NMU: variants seen among roughly 807,000 people sequenced by gnomAD.
NMU encodes neuromedin U.
NMU carries 29 observed loss-of-function variants against 35.4 expected under a neutral mutation model. That is an observed-to-expected ratio of 0.82 (90% CI 0.61 to 1.12). The LOEUF (loss-of-function observed/expected upper bound fraction) is 1.12, where lower values mean the gene tolerates loss of function less well. Among genes scored for constraint, NMU ranks in the 50% most tolerant of loss-of-function variants. NMU has a pLI of 0.00. For missense variants in NMU, 199 were observed against 206.2 expected, an observed-to-expected ratio of 0.97 and a Z score of 0.21; for synonymous variants, 78 against 81.3, an observed-to-expected ratio of 0.96 and a Z score of 0.22.
chr4:55,627,060 T>G (rs1468128969), intron 2 of NMU, among the ~76,000 whole-genome samples: 1 of 152,240 alleles, frequency 6.6e-6, no homozygotes. Context: ...CAGGCACTTC[T>G]GGCTGGCGCA....
chr4:55,612,434 T>A (rs984250498), intron 3 of NMU, among the ~76,000 whole-genome samples: 3 of 152,128 alleles, frequency 2.0e-5, no homozygotes, highest in Non-Finnish European at 4.4e-5. Flanking sequence ...CTTATGCTCA[T>A]TTCAAAATAG....
At chr4:55,598,243 C>T (rs1364915365) in intron 9 of NMU, among the ~76,000 whole-genome samples, 5 of 151,960 alleles carry the variant, frequency 3.3e-5, no homozygotes, top group African/African-American at 1.2e-4. Flanking sequence ...AGGCATGCAC[C>T]ACCACATCTG....
intron 9 of NMU, among the ~76,000 whole-genome samples, chr4:55,597,719 C>T (rs911258584): frequency 2.0e-5 from 3 of 152,080 alleles, no homozygotes; most frequent in Non-Finnish European, 4.4e-5. Context: ...ACCTATTAGT[C>T]TGTTTAGTGT....
At chr4:55,596,362 GT>G (rs34453144) in intron 9 of NMU, among the ~76,000 whole-genome samples, 5,828 of 140,238 alleles carry the variant, frequency 0.042, 357 homozygotes, top group African/African-American at 0.14. Context: ...AATTTTGGAG[GT>G]TTTTTTTTTT....
At chr4:55,597,696 A>G (rs766831771) in intron 9 of NMU, among the ~76,000 whole-genome samples, 25 of 152,144 alleles carry the variant, frequency 1.6e-4, no homozygotes, top group Admixed American at 9.2e-4. Flanking sequence ...ACATATTCCA[A>G]TTTTTTCCCC....
At position 55,605,270 on chromosome 4, in the gene NMU, C is replaced by T; in HGVS notation, c.435+5G>A. 1.9e-6 allele frequency: 3 copies of T among 1,603,382 alleles called. No homozygotes were observed. The highest frequency in any genetic ancestry group is 2.6e-6 in the Non-Finnish European group (3 of 1,170,124). On this transcript the variant is annotated splice_donor_5th_base_variant and intron_variant, in intron 7 of 9. Transcript: ENST00000264218. The stretch of plus-strand genomic sequence containing the variant: ...CAAAGCCAGCATGCAGTTTGTATTA[C>T]ATACGTCCACTCTGAATCTCTTCAT...
chr4:55,616,748 A>C (rs1169987883), intron 2 of NMU, among the ~76,000 whole-genome samples: 1 of 152,228 alleles, frequency 6.6e-6, no homozygotes, highest in Non-Finnish European at 1.5e-5. Context: ...ACCTTTGGTT[A>C]TCATATGGTT....
intron 3 of NMU, among the ~76,000 whole-genome samples, chr4:55,614,683 T>A (rs541359798): frequency 6.6e-6 from 1 of 152,356 alleles, no homozygotes; most frequent in Non-Finnish European, 1.5e-5. Flanking sequence ...AGAGGCACAG[T>A]ACTGAAATCC....
At chr4:55,616,982 G>A (rs1232356096) in intron 2 of NMU, among the ~76,000 whole-genome samples, 3 of 152,096 alleles carry the variant, frequency 2.0e-5, no homozygotes, top group Non-Finnish European at 2.9e-5. Context: ...GACTTTAAAC[G>A]GTAGAATGAG....
At chr4:55,600,607 C>T (rs774394052) in intron 7 of NMU, 32 bp from the exon 8 acceptor site, 3 of 1,502,404 alleles carry the variant, frequency 2.0e-6, no homozygotes, top group South Asian at 1.1e-5. Flanking sequence ...TTACAAATCA[C>T]ATAACACTAA....
intron 6 of NMU, 33 bp downstream of exon 6, chr4:55,607,265 T>TCTACTA (rs774535731): frequency 1.4e-6 from 2 of 1,468,694 alleles, no homozygotes; most frequent in African/African-American, 2.8e-5. Flanking sequence ...AAACAAATAT[T>TCTACTA]AGTGATTACT....
chr4:55,636,438 C>A (rs1252085071), upstream of NMU: 2 of 495,030 alleles, frequency 4.0e-6, no homozygotes, highest in Non-Finnish European at 6.7e-6. This position sits in a 1 kb window ranked among gnomAD's most constrained non-coding sequence, Gnocchi z 4.0. Flanking sequence ...CCGCGCCCCA[C>A]CCTGCAGCAG....
At chr4:55,603,954 T>TATAC in intron 7 of NMU, among the ~76,000 whole-genome samples, 1 of 138,810 alleles carries the variant, frequency 7.2e-6, no homozygotes, top group Admixed American at 7.3e-5. Flanking sequence ...TATGTATATA[T>TATAC]GTGTATATAT....
intron 3 of NMU, among the ~76,000 whole-genome samples, chr4:55,613,631 T>A (rs1734015978): frequency 6.6e-6 from 1 of 152,200 alleles, no homozygotes; most frequent in Non-Finnish European, 1.5e-5. Context: ...ATTGCCTTTA[T>A]GCAGTCAGTC....
intron 3 of NMU, among the ~76,000 whole-genome samples, chr4:55,615,739 G>T (rs1011706414): frequency 3.3e-5 from 5 of 151,988 alleles, no homozygotes; most frequent in Non-Finnish European, 7.4e-5. Context: ...CATCACCCAG[G>T]TACTAAATCT....
chr4:55,628,235 G>A (rs1734611012), intron 2 of NMU, among the ~76,000 whole-genome samples: 1 of 152,122 alleles, frequency 6.6e-6, no homozygotes, highest in Admixed American at 6.5e-5. Flanking sequence ...CAACTCAATG[G>A]TTTTTAGTGT....
Position 55,607,577 on chromosome 4 carries a change from T to C in NMU, c.280-111A>G, listed in dbSNP as rs1733745212. 5 of 389,914 alleles carry C rather than the reference T, an allele frequency of 1.3e-5. No individual in the cohort carries two copies. The South Asian group carries it at 3.3e-4, about 26-fold the overall frequency. The allele number at this position is 389,914 out of a possible 1,614,324, so 24.2% of individuals were successfully genotyped here. A position where few individuals can be genotyped will look rare whatever the true frequency, so the allele number is the denominator to read the frequency against. ...ATAATTATTTAAAACACATGACTCA[T>C]GTTACATATAAAATACAAGACTGAA... On this transcript the variant is annotated intron_variant, in intron 4 of 9. Coordinates refer to ENST00000264218, the MANE Select transcript of NMU (RefSeq NM_006681.4).
Position 55,609,244 on chromosome 4 carries a change from A to G in NMU, c.220-65T>C. 3.2e-6 allele frequency: 4 copies of G among 1,260,466 alleles called. No homozygotes were observed. The South Asian group carries it at 4.8e-5, about 15-fold the overall frequency. The allele number at this position is 1,260,466 out of a possible 1,614,324, so 78.1% of individuals were successfully genotyped here. On this transcript the variant is annotated intron_variant, in intron 3 of 9. Coordinates refer to ENST00000264218, the MANE Select transcript of NMU (RefSeq NM_006681.4). ...TTAACGACATTTACATAGAAGAGGT[A>G]ACTACAAAATGTTAGGGGCATGAGG...
At chr4:55,609,616 CT>C (rs1185087872) in intron 3 of NMU, among the ~76,000 whole-genome samples, 1 of 152,134 alleles carries the variant, frequency 6.6e-6, no homozygotes, top group African/African-American at 2.4e-5. Flanking sequence ...TTTGAAAATC[CT>C]GCAATTGCTC....
Sources: allele counts gnomAD v4.1 joint callset (sites outside exome capture counted in the v4.1 genomes callset), GRCh38; gene constraint gnomAD v4.1.1; non-coding constraint Gnocchi (gnomAD v3.1); transcripts MANE v1.5; gene names NCBI Gene and HGNC (gene_info 2026-07-23, HGNC 2026-07-21).